ZNF146: variants seen among roughly 807,000 people sequenced by gnomAD.
The protein encoded by ZNF146 is zinc finger protein 146, also known as zinc finger protein OZF.
In ZNF146, 9 loss-of-function variants were observed where a neutral mutation model predicts 22.2. The observed-to-expected ratio is 0.41, with a 90% CI of 0.24 to 0.71. The LOEUF is 0.71. Among genes scored for constraint, ZNF146 ranks in the 30% least tolerant of loss-of-function variants. The pLI is 0.34. For synonymous variants in ZNF146, 108 were observed against 119.2 expected (o/e 0.91, Z 0.61); for missense variants, 194 against 344.8 (o/e 0.56, Z 3.46).
chr19:36,225,752 C>G, intron 2 of ZNF146, among the ~76,000 whole-genome samples: 1 of 66,724 alleles, frequency 1.5e-5, no homozygotes, highest in South Asian at 5.2e-4. Flanking sequence ...CTTTGTGATT[C>G]TTTTTTTTTT....
At chr19:36,216,614 C>T (rs1206090489) in intron 1 of ZNF146, among the ~76,000 whole-genome samples, 2 of 149,024 alleles carry the variant, frequency 1.3e-5, no homozygotes, top group African/African-American at 2.5e-5. Flanking sequence ...GCCCAGATCT[C>T]GCCACTGCAC....
intron 3 of ZNF146, among the ~76,000 whole-genome samples, chr19:36,233,879 C>G (rs1977514549): frequency 6.6e-6 from 1 of 152,168 alleles, no homozygotes; most frequent in African/African-American, 2.4e-5. Context: ...AGAGGTCTTC[C>G]TTTTTTACTA....
intron 2 of ZNF146, among the ~76,000 whole-genome samples, chr19:36,218,886 G>GC (rs1359546996): frequency 6.6e-6 from 1 of 151,592 alleles, no homozygotes; most frequent in Non-Finnish European, 1.5e-5. Context: ...TTGGCTCACT[G>GC]CAAGCTTCAC....
rs961669043 is a variant in ZNF146 at position 36,237,445 on chromosome 19, C to G, written c.*126C>G. ...GGTTAACTTTAACAAGTACTAAAAA[C>G]TTAAGGGACACCAGAAAATTTGTAC... On this transcript the variant is annotated 3_prime_UTR_variant, in exon 4 of 4. Transcript: ENST00000443387. 38 of 1,204,406 alleles carry G rather than the reference C, an allele frequency of 3.2e-5. No individual in the cohort carries two copies. Among genetic ancestry groups the G allele is most frequent in the Non-Finnish European group, 4.2e-5 (37 of 884,986 alleles). The allele number at this position is 1,204,406 out of a possible 1,614,324, so 74.6% of individuals were successfully genotyped here.
chr19:36,217,201 T>TAG (rs145689056), intron 1 of ZNF146, among the ~76,000 whole-genome samples: 95,227 of 150,430 alleles, frequency 0.63, 30,328 homozygotes, highest in Middle Eastern at 0.7. Context: ...TAGCTGGGAT[T>TAG]AGTTGCCTGC....
chr19:36,226,085 C>G (rs925052594), intron 2 of ZNF146, among the ~76,000 whole-genome samples: 6 of 152,128 alleles, frequency 3.9e-5, no homozygotes, highest in African/African-American at 1.4e-4. Flanking sequence ...TAACATTTCT[C>G]CCTGTGTCTT....
At chr19:36,223,426 G>A (rs1001429477) in intron 2 of ZNF146, among the ~76,000 whole-genome samples, 1 of 151,640 alleles carries the variant, frequency 6.6e-6, no homozygotes, top group Non-Finnish European at 1.5e-5. Flanking sequence ...GCAGTGGTGC[G>A]ATTTCGGCTC....
At chr19:36,215,049 GCGGTGAC>G (rs1976536602), upstream of ZNF146, 1 of 152,358 alleles carries the variant, frequency 6.6e-6, no homozygotes, top group South Asian at 2.1e-4. Context: ...GGGCCTGGCC[GCGGTGAC>G]CGAGGCGGGC....
At position 36,237,545 on chromosome 19, in the gene ZNF146, T is replaced by G. The variant is rs922720199; in HGVS notation, c.*226T>G. 45 of 387,674 alleles carry G rather than the reference T, an allele frequency of 1.2e-4. No homozygotes were observed. The Middle Eastern group carries it at 2.2e-3, about 19-fold the overall frequency. 24.0% of individuals were successfully genotyped at this position (387,674 alleles called of 1,614,324 possible). A position where few individuals can be genotyped will look rare whatever the true frequency, so the allele number is the denominator to read the frequency against. ...CCTGCAGCAGAGATAATGGTGAAAG[T>G]TTAGGCACATTTTCACTAAAAGTGG... On this transcript the variant is annotated 3_prime_UTR_variant, in exon 4 of 4. Coordinates refer to ENST00000443387, the MANE Select transcript of ZNF146 (RefSeq NM_007145.3).
chr19:36,221,927 C>CCTTTTTTTTTTT (rs1976859611), intron 2 of ZNF146, among the ~76,000 whole-genome samples: 1 of 109,912 alleles, frequency 9.1e-6, no homozygotes, highest in African/African-American at 3.5e-5. Flanking sequence ...TTTTTTCTTT[C>CCTTTTTTTTTTT]TTTTTTTTTT....
intron 2 of ZNF146, among the ~76,000 whole-genome samples, chr19:36,228,096 G>T (rs932169389): frequency 4.6e-5 from 7 of 151,166 alleles, no homozygotes; most frequent in African/African-American, 1.5e-4. Flanking sequence ...GGAGGCGGTG[G>T]TTGCAGTGGG....
intron 3 of ZNF146, among the ~76,000 whole-genome samples, chr19:36,229,218 C>T (rs1421777896): frequency 6.6e-6 from 1 of 152,174 alleles, no homozygotes; most frequent in Non-Finnish European, 1.5e-5. Flanking sequence ...TGGCTGAATG[C>T]CTCAGAATTA....
chr19:36,236,778 C>A lies in ZNF146; in HGVS notation c.338C>A (p.Ser113Ter). The change falls in exon 4 of 4, where the codon TCA (serine) becomes TAA (stop). Residue 113 changes from serine (S) to a stop codon, truncating the protein, a stop_gained. Transcript: ENST00000443387. LOFTEE classifies it high-confidence loss of function. Reference sequence around the variant, plus strand: ...TGCGGGAAAGCTTTCATTCAGAAGTCAAACCTCATCAGACACCAGAGAACT... The same window carrying A: ...TGCGGGAAAGCTTTCATTCAGAAGTAAAACCTCATCAGACACCAGAGAACT... ...KDCGKAFIQK[S>*]NLIRHQRTHT... The A allele has an allele frequency of 6.2e-7, 1 of 1,614,104 alleles. No homozygotes were observed. Among genetic ancestry groups the A allele is most frequent in the South Asian group, 1.1e-5 (1 of 91,044 alleles).
chr19:36,227,453 A>G (rs1485791999), intron 2 of ZNF146, among the ~76,000 whole-genome samples: 2 of 150,560 alleles, frequency 1.3e-5, no homozygotes, highest in Non-Finnish European at 3.0e-5. Flanking sequence ...AGGCATGATC[A>G]TGTATTTGCA....
chr19:36,228,117 AC>A (rs1474951492), intron 2 of ZNF146, among the ~76,000 whole-genome samples: 1 of 150,490 alleles, frequency 6.6e-6, no homozygotes, highest in South Asian at 2.1e-4. Context: ...CTGAGATTGC[AC>A]AATTGCACTC....
chr19:36,234,198 G>C (rs1442234044), intron 3 of ZNF146, among the ~76,000 whole-genome samples: 1 of 152,022 alleles, frequency 6.6e-6, no homozygotes, highest in Non-Finnish European at 1.5e-5. Flanking sequence ...GCACAGGGTT[G>C]GGGGTAGGGT....
rs548903056 is a variant in ZNF146, at chr19:36,232,609, CTTTTTTT to C, written c.-782-3042_-782-3036del. On this transcript the variant is annotated intron_variant, in intron 3 of 3. Transcript: ENST00000443387. ...ACTGATCAGTTCTTTTTTCTTTTTTCTTTTTTTTTTTTTTCCCGAGACATAGTCTCCC... is the reference window on the plus strand; with the variant it reads ...ACTGATCAGTTCTTTTTTCTTTTTTCTTTTTTTCCCGAGACATAGTCTCCC... 7.1e-5 allele frequency among the ~76,000 whole-genome samples: 10 copies of C among 140,084 alleles called. No homozygotes were observed. In the East Asian group the frequency reaches 1.6e-3, roughly 23 times the overall value. The allele number at this position is 140,084 out of a possible 152,430, so 91.9% of individuals were successfully genotyped here.
intron 3 of ZNF146, 134 bp from the exon 4 acceptor site, chr19:36,235,525 T>C (rs1977614577): frequency 1.3e-5 from 2 of 152,174 alleles, no homozygotes; most frequent in Non-Finnish European, 2.9e-5. Context: ...TTATTGCTAG[T>C]AATGGGAAAA....
intron 3 of ZNF146, among the ~76,000 whole-genome samples, chr19:36,230,672 G>A (rs1977302410): frequency 6.6e-6 from 1 of 152,188 alleles, no homozygotes. Flanking sequence ...AGTGATCAGG[G>A]CCGTGGGCTG....
Sources: gnomAD v4.1 joint callset for allele counts (sites outside exome capture counted in the v4.1 genomes callset) on GRCh38, gnomAD v4.1.1 for gene constraint, MANE v1.5 for transcripts, NCBI Gene and HGNC (gene_info 2026-07-23, HGNC 2026-07-21) for gene names.